FERMT2: variants seen among roughly 807,000 people sequenced by gnomAD.
The protein encoded by FERMT2 is fermitin family homolog 2.
Under a neutral mutation model 82.7 loss-of-function variants are expected in FERMT2, and 15 were observed. That is an observed-to-expected ratio of 0.18 (90% CI 0.12 to 0.28). FERMT2 has a LOEUF of 0.28. Ranked by LOEUF, FERMT2 falls within the 10% of genes least tolerant of loss-of-function variation. The probability of loss-of-function intolerance (pLI) is 1.00; values close to 1 mark genes in which losing one functional copy is unlikely to be tolerated. For synonymous variants in FERMT2, 274 were observed against 271.5 expected (o/e 1.01, Z -0.09); for missense variants, 645 against 809.4 (o/e 0.80, Z 2.46).
intron 3 of FERMT2, among the ~76,000 whole-genome samples, chr14:52,907,792 C>T (rs1475800963): frequency 2.0e-5 from 3 of 151,082 alleles, no homozygotes; most frequent in African/African-American, 7.3e-5. Context: ...AAAAACCCCA[C>T]CAAAAACCCC....
chr14:52,901,138 G>A (rs1377460155), intron 3 of FERMT2, among the ~76,000 whole-genome samples: 2 of 150,070 alleles, frequency 1.3e-5, no homozygotes, highest in Non-Finnish European at 3.0e-5. Context: ...AAAATTAGCT[G>A]GGCGTTGTGG....
At chr14:52,931,788 G>C (rs963765707) in intron 2 of FERMT2, among the ~76,000 whole-genome samples, 2 of 152,216 alleles carry the variant, frequency 1.3e-5, no homozygotes, top group Non-Finnish European at 2.9e-5. Context: ...CAGCAACTCC[G>C]GGAGGATGAA....
intron 2 of FERMT2, among the ~76,000 whole-genome samples, chr14:52,949,548 C>A (rs1452282743): frequency 1.3e-5 from 2 of 152,030 alleles, no homozygotes; most frequent in African/African-American, 2.4e-5. Flanking sequence ...GAAGATAGTT[C>A]TCTGAGCATT....
At position 52,945,234 on chromosome 14, in the gene FERMT2, TTTG is replaced by T. The variant is rs202066276; in HGVS notation, c.157+5175_157+5177del. Reference sequence around the variant, plus strand: ...CCAATCCTCAATTGTTCTATGTTTTTTTGTTGTTGTTTTTTTTTTGTGGGTTGG... The same window carrying T: ...CCAATCCTCAATTGTTCTATGTTTTTTTGTTGTTTTTTTTTTGTGGGTTGG... On this transcript the variant is annotated intron_variant, in intron 2 of 14. Coordinates refer to ENST00000341590, the MANE Select transcript of FERMT2 (RefSeq NM_006832.3). Among the ~76,000 whole-genome samples the T allele has an allele frequency of 7.5e-3, 1,144 of 151,812 alleles. 14 individuals are homozygous for T. The highest frequency in any genetic ancestry group is 0.026 in the African/African-American group (1,061 of 41,386).
At chr14:52,935,422 G>C (rs988039274) in intron 2 of FERMT2, among the ~76,000 whole-genome samples, 1 of 152,168 alleles carries the variant, frequency 6.6e-6, no homozygotes, top group East Asian at 1.9e-4. Context: ...TCCCCAATAT[G>C]ATGGTATCTG....
intron 3 of FERMT2, among the ~76,000 whole-genome samples, chr14:52,917,798 G>A (rs1888699405): frequency 6.6e-6 from 1 of 152,132 alleles, no homozygotes; most frequent in African/African-American, 2.4e-5. Context: ...ACAAGAAATG[G>A]GTGAGGATTC....
intron 7 of FERMT2, among the ~76,000 whole-genome samples, chr14:52,878,376 C>T (rs936093686): frequency 6.6e-6 from 1 of 152,054 alleles, no homozygotes; most frequent in African/African-American, 2.4e-5. Flanking sequence ...GAGAAAAGTA[C>T]TTAAGTATAC....
chr14:52,869,367 A>G (rs147200518), intron 10 of FERMT2, among the ~76,000 whole-genome samples: 2 of 152,362 alleles, frequency 1.3e-5, no homozygotes, highest in African/African-American at 4.8e-5. Flanking sequence ...TACTAGGCAG[A>G]GCTCATGTAC....
intron 2 of FERMT2, among the ~76,000 whole-genome samples, chr14:52,925,557 T>TC (rs1310415909): frequency 7.9e-5 from 7 of 88,208 alleles, no homozygotes; most frequent in African/African-American, 3.8e-4. Context: ...AGACTCTGTC[T>TC]CAAAAAAAAA....
chr14:52,944,612 T>C (rs973308234), intron 2 of FERMT2, among the ~76,000 whole-genome samples: 5 of 152,234 alleles, frequency 3.3e-5, no homozygotes, highest in African/African-American at 1.2e-4. Context: ...TTAATGAAAC[T>C]TATTTTTGGA....
chr14:52,905,499 G>A (rs1292372057), intron 3 of FERMT2, among the ~76,000 whole-genome samples: 2 of 152,324 alleles, frequency 1.3e-5, no homozygotes, highest in African/African-American at 2.4e-5. Flanking sequence ...ATAAAGGAGA[G>A]TGCTTAGGAG....
intron 2 of FERMT2, among the ~76,000 whole-genome samples, chr14:52,927,054 A>C (rs2139662394): frequency 6.6e-6 from 1 of 152,318 alleles, no homozygotes; most frequent in Non-Finnish European, 1.5e-5. Flanking sequence ...AAATTGCTAC[A>C]ACATTGACTG....
chr14:52,870,441 G>GT (rs1461321278), intron 10 of FERMT2, among the ~76,000 whole-genome samples: 1 of 152,070 alleles, frequency 6.6e-6, no homozygotes, highest in African/African-American at 2.4e-5. Flanking sequence ...TAGAGACGGG[G>GT]TTTCTCCATG....
chr14:52,859,772 G>A (rs1884788984), intron 13 of FERMT2, 58 bp from the exon 14 acceptor site: 4 of 1,065,374 alleles, frequency 3.8e-6, no homozygotes, highest in Non-Finnish European at 5.4e-6. Flanking sequence ...ATGTTGGACT[G>A]CTTTTCTTCA....
intron 4 of FERMT2, among the ~76,000 whole-genome samples, chr14:52,890,912 TTC>T (rs1886905070): frequency 6.6e-6 from 1 of 152,164 alleles, no homozygotes. Context: ...GCCCCTTTTA[TTC>T]TCTTTTACCT....
At chr14:52,900,202 C>T (rs1179899214) in intron 3 of FERMT2, among the ~76,000 whole-genome samples, 1 of 151,534 alleles carries the variant, frequency 6.6e-6, no homozygotes. Flanking sequence ...GCCTCGACTT[C>T]CCAGGCTCAG....
chr14:52,884,455 T>C (rs1287308753), intron 4 of FERMT2, among the ~76,000 whole-genome samples: 1 of 148,646 alleles, frequency 6.7e-6, no homozygotes, highest in Admixed American at 6.7e-5. Context: ...TACAAAAAAT[T>C]AGCCAGGCAT....
At chr14:52,889,723 C>T (rs1317945436) in intron 4 of FERMT2, among the ~76,000 whole-genome samples, 2 of 152,208 alleles carry the variant, frequency 1.3e-5, no homozygotes, top group African/African-American at 4.8e-5. Context: ...CTATTGCTCC[C>T]AGGCTACAAA....
chr14:52,897,461 T>G (rs1241618486), intron 3 of FERMT2, among the ~76,000 whole-genome samples: 2 of 152,178 alleles, frequency 1.3e-5, no homozygotes, highest in East Asian at 3.9e-4. Flanking sequence ...TATATATATT[T>G]TCTTCCTTTT....
Sources: gnomAD v4.1 joint callset for allele counts (sites outside exome capture counted in the v4.1 genomes callset) on GRCh38, gnomAD v4.1.1 for gene constraint, MANE v1.5 for transcripts, NCBI Gene and HGNC (gene_info 2026-07-23, HGNC 2026-07-21) for gene names.